Variants in TRMT61B observed in about 807,000 individuals in gnomAD.
The protein encoded by TRMT61B is tRNA methyltransferase 61B, also known as tRNA (adenine(58)-N(1))-methyltransferase, mitochondrial.
TRMT61B carries 56 observed loss-of-function variants against 52.0 expected under a neutral mutation model. The observed-to-expected ratio is 1.08, with a 90% CI of 0.87 to 1.35. The LOEUF is 1.35. Among genes scored for constraint, TRMT61B ranks in the 40% most tolerant of loss-of-function variants. The pLI is 0.00. For synonymous variants in TRMT61B, 206 were observed against 220.0 expected, an observed-to-expected ratio of 0.94 and a Z score of 0.56; for missense variants, 650 against 577.9, an observed-to-expected ratio of 1.12 and a Z score of -1.28.
chr2:28,862,543 G>C (rs1669653646), intron 2 of TRMT61B, among the ~76,000 whole-genome samples: 1 of 151,070 alleles, frequency 6.6e-6, no homozygotes, highest in Non-Finnish European at 1.5e-5. Context: ...CATGTTGCCA[G>C]ACTGGTCTCA....
At chr2:28,851,951 A>T (rs1572529359) in intron 4 of TRMT61B, among the ~76,000 whole-genome samples, 1 of 151,770 alleles carries the variant, frequency 6.6e-6, no homozygotes, top group East Asian at 1.9e-4. Context: ...CAGTAATATA[A>T]ATGAACTTGG....
chr2:28,866,321 T>C (rs1315380337), intron 1 of TRMT61B, among the ~76,000 whole-genome samples: 2 of 152,290 alleles, frequency 1.3e-5, no homozygotes, highest in East Asian at 1.9e-4. Context: ...AGAATTAAGA[T>C]ACTATATAAC....
chr2:28,857,191 C>T (rs1027990818), intron 3 of TRMT61B, among the ~76,000 whole-genome samples: 12 of 152,160 alleles, frequency 7.9e-5, no homozygotes, highest in Non-Finnish European at 1.3e-4. Context: ...ATCTCAGCCT[C>T]CCAAAGTGCT....
chr2:28,861,346 T>TG, intron 2 of TRMT61B, 38 bp from the exon 3 acceptor site: 1 of 1,473,758 alleles, frequency 6.8e-7, no homozygotes, highest in East Asian at 2.5e-5. Context: ...ATAATATTAA[T>TG]CAGTTTATTA....
intron 1 of TRMT61B, 38 bp from the exon 2 acceptor site, chr2:28,865,157 T>C (rs1558348953): frequency 8.3e-6 from 10 of 1,198,162 alleles, no homozygotes; most frequent in Non-Finnish European, 1.2e-5. Flanking sequence ...CAGCGACCAA[T>C]AAATATGTAC....
chr2:28,868,169 C>T (rs1270432145), intron 1 of TRMT61B, among the ~76,000 whole-genome samples: 1 of 152,130 alleles, frequency 6.6e-6, no homozygotes, highest in Non-Finnish European at 1.5e-5. Context: ...TTCTAATGGT[C>T]CTTCACTACA....
chr2:28,867,289 C>G (rs769552144), intron 1 of TRMT61B, among the ~76,000 whole-genome samples: 10 of 151,988 alleles, frequency 6.6e-5, no homozygotes, highest in Non-Finnish European at 1.5e-4. Flanking sequence ...GAGACAAGGT[C>G]TCCCTATGTT....
chr2:28,852,546 T>C, intron 3 of TRMT61B, 47 bp from the exon 4 acceptor site: 2 of 1,264,902 alleles, frequency 1.6e-6, no homozygotes, highest in Non-Finnish European at 2.3e-6. Flanking sequence ...TCCGTTTAAA[T>C]AAAGCATAAG....
At position 28,850,383 on chromosome 2, in the gene TRMT61B, T is replaced by C. The variant is rs35053465; in HGVS notation, c.1335A>G (p.Pro445=). The C allele has an allele frequency of 2.8e-3, 4,483 of 1,608,322 alleles. 92 individuals are homozygous for C. The African/African-American group carries it at 0.05, about 18-fold the overall frequency. The change falls in exon 6 of 7, where the codon CCA becomes CCG. Residue 445 remains proline (P), a synonymous_variant. Transcript: ENST00000306108. ...TAGCAACATAGGGAAATGATCCATA[T>C]GGAAAATCAGAATGCGATTCTTCTG... ...DDHEESHSDF[P]YGSFPYVARP...
intron 3 of TRMT61B, among the ~76,000 whole-genome samples, chr2:28,855,862 A>G (rs1669319941): frequency 6.6e-6 from 1 of 152,120 alleles, no homozygotes; most frequent in African/African-American, 2.4e-5. Context: ...TCCCAGCTAC[A>G]AAGGAGGCTG....
At chr2:28,854,638 G>T (rs1669260901) in intron 3 of TRMT61B, among the ~76,000 whole-genome samples, 2 of 151,134 alleles carry the variant, frequency 1.3e-5, no homozygotes, top group Non-Finnish European at 2.9e-5. Context: ...TACTTAGGAG[G>T]CTGAGGCAGG....
intron 5 of TRMT61B, chr2:28,850,742 G>T (rs1044181329): frequency 3.3e-6 from 1 of 306,406 alleles, no homozygotes; most frequent in Non-Finnish European, 5.9e-6. Context: ...TTGCTTTTTG[G>T]AATATTAGCT....
chr2:28,867,737 C>T (rs950483547), intron 1 of TRMT61B, among the ~76,000 whole-genome samples: 7 of 152,072 alleles, frequency 4.6e-5, no homozygotes, highest in African/African-American at 9.7e-5. Context: ...GATAAAATTA[C>T]GAAAGTCTTT....
At chr2:28,869,363 G>C (rs1669985017) in intron 1 of TRMT61B, among the ~76,000 whole-genome samples, 1 of 152,148 alleles carries the variant, frequency 6.6e-6, no homozygotes, top group Non-Finnish European at 1.5e-5. Flanking sequence ...TAAGGGACTC[G>C]AGACTCCTAA....
At chr2:28,854,224 G>A (rs767148345) in intron 3 of TRMT61B, among the ~76,000 whole-genome samples, 5 of 152,180 alleles carry the variant, frequency 3.3e-5, no homozygotes, top group East Asian at 3.9e-4. Context: ...TCTGTTTCAC[G>A]GGATCTAATG....
chr2:28,862,705 T>C (rs1446329898), intron 2 of TRMT61B, among the ~76,000 whole-genome samples: 2 of 151,718 alleles, frequency 1.3e-5, no homozygotes, highest in East Asian at 1.9e-4. Context: ...TAAAAGGTAT[T>C]TGTGGCCGGA....
At position 28,862,394 on chromosome 2, in the gene TRMT61B, G is replaced by A. The variant is rs1185144231; in HGVS notation, c.803-1086C>T. Among the ~76,000 whole-genome samples, 3 of 140,444 alleles carry A rather than the reference G, an allele frequency of 2.1e-5. No individual in the cohort carries two copies. The East Asian group carries it at 6.8e-4, about 32-fold the overall frequency. The allele number at this position is 140,444 out of a possible 152,430, so 92.1% of individuals were successfully genotyped here. ...GTCACGCAGGTTGGAGTGCGGTGGTGCAATCACAGCTCACGGCAACCCCCA... is the reference window on the plus strand; with the variant it reads ...GTCACGCAGGTTGGAGTGCGGTGGTACAATCACAGCTCACGGCAACCCCCA... On this transcript the variant is annotated intron_variant, in intron 2 of 6. Coordinates refer to ENST00000306108, the MANE Select transcript of TRMT61B (RefSeq NM_017910.4).
At chr2:28,852,318 A>AG in intron 4 of TRMT61B, 90 bp downstream of exon 4, 1 of 512,612 alleles carries the variant, frequency 2.0e-6, no homozygotes, top group South Asian at 2.7e-5. Flanking sequence ...GTCTCAAAAA[A>AG]AAAAAAAAAA....
At chr2:28,858,796 A>AT (rs1669463233) in intron 3 of TRMT61B, among the ~76,000 whole-genome samples, 4 of 141,430 alleles carry the variant, frequency 2.8e-5, no homozygotes, top group Non-Finnish European at 6.1e-5. Context: ...CTCCGTCTCA[A>AT]AAAAAAAAAA....
Sources: allele counts gnomAD v4.1 joint callset (sites outside exome capture counted in the v4.1 genomes callset), GRCh38; gene constraint gnomAD v4.1.1; transcripts MANE v1.5; gene names NCBI Gene and HGNC (gene_info 2026-07-23, HGNC 2026-07-21).